The following MARK3 variants were observed in gnomAD, a reference collection of about 807,000 sequenced individuals.
MARK3 encodes the protein microtubule affinity regulating kinase 3, also known as MAP/microtubule affinity-regulating kinase 3.
Under a neutral mutation model 90.1 loss-of-function variants are expected in MARK3, and 46 were observed. The ratio of observed to expected loss-of-function variants is 0.51; its 90% CI spans 0.40 to 0.65. The LOEUF (loss-of-function observed/expected upper bound fraction) is 0.65, where lower values mean the gene tolerates loss of function less well. Ranked by LOEUF, MARK3 falls within the 30% of genes least tolerant of loss-of-function variation. MARK3 has a pLI of 0.00. For synonymous variants in MARK3, 321 were observed against 332.6 expected (o/e 0.97, Z 0.38); for missense variants, 818 against 947.2 (o/e 0.86, Z 1.79).
chr14:103,412,612 C>CGA (rs2091713708), intron 2 of MARK3: 1 of 981,552 alleles, frequency 1.0e-6, no homozygotes, highest in African/African-American at 1.7e-5. Context: ...TGACGGTGCC[C>CGA]GAGAAGCGCT....
chr14:103,487,735 A>G (rs534276865), intron 14 of MARK3, among the ~76,000 whole-genome samples: 16 of 152,256 alleles, frequency 1.1e-4, no homozygotes, highest in Non-Finnish European at 1.5e-5. Context: ...AGTTGTATTT[A>G]GCTGTATCTT....
intron 10 of MARK3, among the ~76,000 whole-genome samples, chr14:103,466,731 G>A (rs185333947): frequency 3.3e-5 from 5 of 152,110 alleles, no homozygotes; most frequent in African/African-American, 4.8e-5. Flanking sequence ...CTGGCCGGGC[G>A]TGGTGGCTCA....
intron 2 of MARK3, among the ~76,000 whole-genome samples, chr14:103,423,934 G>A (rs1443870019): frequency 1.3e-5 from 2 of 152,200 alleles, no homozygotes; most frequent in Non-Finnish European, 2.9e-5. Flanking sequence ...GTCCGGGCGC[G>A]ATGGCTCATG....
intron 2 of MARK3, among the ~76,000 whole-genome samples, chr14:103,408,192 G>A (rs1595514098): frequency 6.6e-6 from 1 of 152,048 alleles, no homozygotes; most frequent in East Asian, 1.9e-4. Flanking sequence ...TTTTGGCGGG[G>A]GGGAGGTGGT....
At chr14:103,440,585 C>A (rs963475490) in intron 3 of MARK3, among the ~76,000 whole-genome samples, 1 of 150,704 alleles carries the variant, frequency 6.6e-6, no homozygotes, top group African/African-American at 2.4e-5. Context: ...GGCGACAGAG[C>A]AAGACTGCAT....
At chr14:103,427,633 G>T (rs969112989) in intron 2 of MARK3, among the ~76,000 whole-genome samples, 3 of 152,054 alleles carry the variant, frequency 2.0e-5, no homozygotes, top group Non-Finnish European at 2.9e-5. Flanking sequence ...TGAGCTTTCT[G>T]GGAAAAGGGC....
intron 3 of MARK3, among the ~76,000 whole-genome samples, chr14:103,432,567 C>G (rs1030431396): frequency 3.3e-5 from 5 of 152,216 alleles, no homozygotes; most frequent in African/African-American, 1.2e-4. Context: ...AAGGCTGAGG[C>G]AGGCCCGGCA....
intron 1 of MARK3, among the ~76,000 whole-genome samples, chr14:103,390,471 T>TA (rs2090161493): frequency 6.6e-6 from 1 of 151,456 alleles, no homozygotes; most frequent in Admixed American, 6.6e-5. Flanking sequence ...TAAAACTTTT[T>TA]TTTAAGCTTG....
rs369896393 is a variant in MARK3 at position 103,434,292 on chromosome 14, G to A, written c.297+5852G>A. ...TTGTCCGCTCTACCATACCCAAATC[G>A]CAACGAGAAGTGTCATGAACTGCAC... On this transcript the variant is annotated intron_variant, in intron 3 of 17. Transcript: ENST00000429436. Among the ~76,000 whole-genome samples the A allele has an allele frequency of 1.2e-4, 18 of 152,180 alleles. 1 individual carries two copies. The South Asian group carries it at 3.1e-3, about 26-fold the overall frequency.
At position 103,420,210 on chromosome 14, in the gene MARK3, C is replaced by T. The variant is rs117824742; in HGVS notation, c.244-8177C>T. 2.8e-3 allele frequency among the ~76,000 whole-genome samples: 433 copies of T among 152,092 alleles called. 1 individual carries two copies. The highest frequency in any genetic ancestry group is 4.1e-3 in the South Asian group (20 of 4,824). ...CCTAATCCCTATATATAAAAAATCACGGAATTCCACAGTTTTGAACATTTT... is the reference window on the plus strand; with the variant it reads ...CCTAATCCCTATATATAAAAAATCATGGAATTCCACAGTTTTGAACATTTT... On this transcript the variant is annotated intron_variant, in intron 2 of 17. Coordinates refer to ENST00000429436, the MANE Select transcript of MARK3 (RefSeq NM_001128918.3).
intron 8 of MARK3, 35 bp downstream of exon 8, chr14:103,465,828 TA>T (rs1425139933): frequency 1.9e-6 from 3 of 1,573,958 alleles, no homozygotes; most frequent in Non-Finnish European, 2.6e-6. Context: ...TTCACTAAAC[TA>T]AAAGAAGTTT....
chr14:103,410,266 A>G (rs2140799943), intron 2 of MARK3, among the ~76,000 whole-genome samples: 1 of 152,256 alleles, frequency 6.6e-6, no homozygotes, highest in Admixed American at 6.5e-5. Context: ...GGCGTGATGG[A>G]AGGGCAAAGA....
At chr14:103,455,725 CAA>C (rs57129835) in intron 5 of MARK3, among the ~76,000 whole-genome samples, 19 of 83,994 alleles carry the variant, frequency 2.3e-4, no homozygotes, top group Non-Finnish European at 2.0e-4. Context: ...AACTCTGTCT[CAA>C]AAAAAAAAAA....
chr14:103,397,426 A>G (rs1175259525), intron 1 of MARK3, among the ~76,000 whole-genome samples: 2 of 150,752 alleles, frequency 1.3e-5, no homozygotes, highest in Admixed American at 1.3e-4. Flanking sequence ...TCCCAGGTTC[A>G]AACGATTCTC....
chr14:103,468,666 A>G (rs919381830), intron 12 of MARK3, among the ~76,000 whole-genome samples: 1 of 151,950 alleles, frequency 6.6e-6, no homozygotes, highest in Non-Finnish European at 1.5e-5. Context: ...TGCCATGATT[A>G]CATATTACTT....
chr14:103,456,994 C>A, intron 5 of MARK3, 148 bp from the exon 6 acceptor site: 1 of 488,518 alleles, frequency 2.0e-6, no homozygotes, highest in Non-Finnish European at 3.7e-6. Context: ...GTAGTTAAAG[C>A]CAGCTTAGTT....
rs759043897 is a variant in MARK3, at chr14:103,385,998, C to T, written c.-32C>T. 2.0e-5 allele frequency: 32 copies of T among 1,593,850 alleles called. No individual in the cohort carries two copies. The Admixed American group carries it at 4.7e-4, about 23-fold the overall frequency. The stretch of plus-strand genomic sequence containing the variant: ...TAGGGCTGTGCTGTTTTGTTTTGAC[C>T]CTCGCATTGTGCAGAATTAAAGTGC... On this transcript the variant is annotated 5_prime_UTR_variant, in exon 1 of 18. Transcript: ENST00000429436.
intron 15 of MARK3, among the ~76,000 whole-genome samples, chr14:103,498,208 TAAAA>T (rs35854622): frequency 1.4e-5 from 2 of 146,918 alleles, no homozygotes; most frequent in African/African-American, 2.5e-5. Flanking sequence ...ACTCTGTCTT[TAAAA>T]AAAAAAAAAA....
chr14:103,458,638 A>T (rs759477262), intron 6 of MARK3: 75 of 565,774 alleles, frequency 1.3e-4, no homozygotes, highest in Admixed American at 8.8e-4. Flanking sequence ...TTTTAAATTA[A>T]TTCTGTATTC....
Sources: allele counts gnomAD v4.1 joint callset (sites outside exome capture counted in the v4.1 genomes callset), GRCh38; gene constraint gnomAD v4.1.1; transcripts MANE v1.5; gene names NCBI Gene and HGNC (gene_info 2026-07-23, HGNC 2026-07-21).